Variants in PRND observed in about 807,000 individuals in gnomAD.
The protein encoded by PRND is prion-like protein doppel.
For missense variants in PRND, 227 were observed against 223.3 expected, an observed-to-expected ratio of 1.02 and a Z score of -0.11; for synonymous variants, 94 against 93.2, an observed-to-expected ratio of 1.01 and a Z score of -0.05.
Position 4,724,952 on chromosome 20 carries a change from G to A in PRND, c.401G>A (p.Arg134Gln), listed in dbSNP as rs766569347. The change falls in exon 2 of 2, where the codon CGG becomes CAG. Residue 134 changes from arginine (R) to glutamine (Q), a missense_variant. By Grantham distance (43) the Arg-to-Gln change is conservative (BLOSUM62 1). Coordinates refer to ENST00000305817, the MANE Select transcript of PRND (RefSeq NM_012409.4). This position sits in a 1 kb window ranked among gnomAD's most constrained non-coding sequence, Gnocchi z 4.8. ...DNKLHQQVLW[R>Q]LVQELCSLKH... ...AAGCTCCACCAGCAGGTGCTCTGGCGGCTGGTCCAGGAGCTCTGCTCCCTC... is the reference window on the plus strand; with the variant it reads ...AAGCTCCACCAGCAGGTGCTCTGGCAGCTGGTCCAGGAGCTCTGCTCCCTC... 1.4e-5 allele frequency: 22 copies of A among 1,613,994 alleles called. No individual in the cohort carries two copies. Among genetic ancestry groups the A allele is most frequent in the Admixed American group, 6.7e-5 (4 of 60,008 alleles).
intron 1 of PRND, among the ~76,000 whole-genome samples, chr20:4,722,559 T>C (rs535906084): frequency 4.5e-4 from 68 of 151,510 alleles, no homozygotes; most frequent in Non-Finnish European, 8.7e-4. Flanking sequence ...CTTCTAGAGA[T>C]CACTTCAGCT....
Position 4,727,862 on chromosome 20 carries a change from T to A in PRND, c.*2780T>A, listed in dbSNP as rs1923325483. On this transcript the variant is annotated 3_prime_UTR_variant, in exon 2 of 2. Transcript: ENST00000305817. ...GTGCAGTGGCGTGATCTTGGCTCAC[T>A]ACAACCTCCACCTTCCAGGCTTAAG... The A allele has an allele frequency of 6.2e-6, 1 of 162,204 alleles. No individual in the cohort carries two copies. Among genetic ancestry groups the A allele is most frequent in the South Asian group, 2.2e-4 (1 of 4,474 alleles). The allele number at this position is 162,204 out of a possible 1,614,324, so 10.0% of individuals were successfully genotyped here.
At position 4,724,026 on chromosome 20, in the gene PRND, ATATATGTGTG is replaced by A. The variant is rs1395236961; in HGVS notation, c.-11-509_-11-500del. On this transcript the variant is annotated intron_variant, in intron 1 of 1. Transcript: ENST00000305817. The surrounding 1 kb of genome is among the most constrained non-coding windows in gnomAD (Gnocchi z 4.8). ...TATATATATATGTGTGTATATATAC[ATATATGTGTG>A]TATATATGTATATATGTGTGTGTAT... Among the ~76,000 whole-genome samples, 351 of 138,232 alleles carry A rather than the reference ATATATGTGTG, an allele frequency of 2.5e-3. 1 individual carries two copies. Among genetic ancestry groups the A allele is most frequent in the African/African-American group, 9.7e-3 (342 of 35,110 alleles). The allele number at this position is 138,232 out of a possible 152,430, so 90.7% of individuals were successfully genotyped here.
rs559522594 is a variant in PRND, at chr20:4,724,090, A to G, written c.-11-451A>G. Among the ~76,000 whole-genome samples, 1 of 149,922 alleles carries G rather than the reference A, an allele frequency of 6.7e-6. No individual in the cohort carries two copies. The highest frequency in any genetic ancestry group is 2.5e-5 in the African/African-American group (1 of 40,100). ...CGTGTATATATACATATATATGTGT[A>G]TATATATACGTGTATACACACACAC... On this transcript the variant is annotated intron_variant, in intron 1 of 1. Transcript: ENST00000305817. This position sits in a 1 kb window ranked among gnomAD's most constrained non-coding sequence, Gnocchi z 4.8.
rs1923240969 is a variant in PRND at position 4,725,633 on chromosome 20, A to T, written c.*551A>T. On this transcript the variant is annotated 3_prime_UTR_variant, in exon 2 of 2. Transcript: ENST00000305817. ...GAAATTGTGAAAGCTCCATGTTTAG[A>T]AATAAATGAAAACACCTGAGCTGGT... The T allele has an allele frequency of 5.9e-6, 1 of 168,644 alleles. No individual in the cohort carries two copies. The highest frequency in any genetic ancestry group is 1.4e-5 in the Non-Finnish European group (1 of 69,118). 10.4% of individuals were successfully genotyped at this position (168,644 alleles called of 1,614,324 possible). A position where few individuals can be genotyped will look rare whatever the true frequency, so the allele number is the denominator to read the frequency against.
rs1011140051 is a variant in PRND at position 4,724,582 on chromosome 20, G to A, written c.31G>A (p.Ala11Thr). The A allele has an allele frequency of 1.2e-6, 2 of 1,613,962 alleles. No homozygotes were observed. Among genetic ancestry groups the A allele is most frequent in the African/African-American group, 1.3e-5 (1 of 74,918 alleles). Residue 11 changes from alanine (A) to threonine (T), a missense_variant, in exon 2 of 2, where the codon GCC (alanine) becomes ACC (threonine). By Grantham distance (58) the Ala-to-Thr change is moderately conservative. Coordinates refer to ENST00000305817, the MANE Select transcript of PRND (RefSeq NM_012409.4). The surrounding 1 kb of genome is among the most constrained non-coding windows in gnomAD (Gnocchi z 4.8). MRKHLSWWWL[A>T]TVCMLLFSHL... Reference sequence around the variant, plus strand: ...GAAGCACCTGAGCTGGTGGTGGCTGGCCACTGTCTGCATGCTGCTCTTCAG... The same window carrying A: ...GAAGCACCTGAGCTGGTGGTGGCTGACCACTGTCTGCATGCTGCTCTTCAG...
intron 1 of PRND, among the ~76,000 whole-genome samples, chr20:4,723,826 G>A (rs887842113): frequency 1.3e-5 from 2 of 151,870 alleles, no homozygotes; most frequent in African/African-American, 2.4e-5. Flanking sequence ...CAGCTACTCC[G>A]GAGGCTGAGG....
rs187662451 is a variant in PRND at position 4,724,525 on chromosome 20, G to T, written c.-11-16G>T. The T allele has an allele frequency of 1.2e-5, 20 of 1,613,606 alleles. No homozygotes were observed. Among genetic ancestry groups the T allele is most frequent in the Non-Finnish European group, 1.4e-5 (17 of 1,180,036 alleles). On this transcript the variant is annotated splice_polypyrimidine_tract_variant and intron_variant, in intron 1 of 1. Coordinates refer to ENST00000305817, the MANE Select transcript of PRND (RefSeq NM_012409.4). This position sits in a 1 kb window ranked among gnomAD's most constrained non-coding sequence, Gnocchi z 4.8. ...AGGCCTGGTGGGGAGCTGACCCACC[G>T]CCGTTTCTCTGGCAGGTTCTGACGC...
Position 4,724,710 on chromosome 20 carries a change from GA to G in PRND, c.161del (p.Asn54ThrfsTer46). On this transcript the variant is annotated frameshift_variant, in exon 2 of 2. Coordinates refer to ENST00000305817, the MANE Select transcript of PRND (RefSeq NM_012409.4). LOFTEE classifies it low-confidence loss of function (END_TRUNC). The surrounding 1 kb of genome is among the most constrained non-coding windows in gnomAD (Gnocchi z 4.8). ...AQITEAQVAE[N>X]RPGAFIKQGR... ...AGATCACTGAGGCCCAGGTGGCTGA[GA>G]ACCGCCCGGGAGCCTTCATCAAGCA... The G allele has an allele frequency of 1.2e-6, 2 of 1,614,188 alleles. No homozygotes were observed. Among genetic ancestry groups the G allele is most frequent in the Non-Finnish European group, 1.7e-6 (2 of 1,180,040 alleles).
Position 4,726,955 on chromosome 20 carries a change from C to T in PRND, c.*1873C>T, listed in dbSNP as rs1427140542. On this transcript the variant is annotated 3_prime_UTR_variant, in exon 2 of 2. Coordinates refer to ENST00000305817, the MANE Select transcript of PRND (RefSeq NM_012409.4). ...GGTTCACGTCACTGCCAGAGCTACA[C>T]TCGCCTTCTGCTTCCACGGTCCTGT... 1 of 167,184 alleles carries T rather than the reference C, an allele frequency of 6.0e-6. No individual in the cohort carries two copies. 10.4% of individuals were successfully genotyped at this position (167,184 alleles called of 1,614,324 possible).
chr20:4,725,073 G>T lies in PRND; in HGVS notation c.522G>T (p.Thr174=), dbSNP rs45475194. The T allele has an allele frequency of 6.2e-7, 1 of 1,612,816 alleles. No homozygotes were observed. The highest frequency in any genetic ancestry group is 8.5e-7 in the Non-Finnish European group (1 of 1,179,758). ...GCCTTCTGGCTTTGATCTGGCTCAC[G>T]GTGAAATAAGCTTGCCAGGAGGCTG... ...LLCLLALIWL[T]VK Residue 174 remains threonine, a synonymous_variant, in exon 2 of 2, where the codon ACG becomes ACT. Transcript: ENST00000305817.
intron 1 of PRND, 121 bp downstream of exon 1, chr20:4,722,090 G>A (rs1436147548): frequency 6.6e-6 from 1 of 152,166 alleles, no homozygotes; most frequent in Admixed American, 6.5e-5. Flanking sequence ...CCAAGTTCAG[G>A]GTAGACTTGC....
intron 1 of PRND, among the ~76,000 whole-genome samples, chr20:4,722,936 GC>G (rs1247117208): frequency 6.6e-6 from 1 of 152,200 alleles, no homozygotes; most frequent in Non-Finnish European, 1.5e-5. Flanking sequence ...GGGGTGAGGG[GC>G]TTTTCCATGA....
chr20:4,724,784 A>G lies in PRND; in HGVS notation c.233A>G (p.Tyr78Cys), dbSNP rs376676502. Reference protein sequence around the residue: ...IDFGAEGNRYYEANYWQFPDG... With the variant: ...IDFGAEGNRYCEANYWQFPDG... ...TTCGGAGCCGAGGGCAACAGGTACT[A>G]CGAGGCCAACTACTGGCAGTTCCCC... The change falls in exon 2 of 2, where the codon TAC (tyrosine) becomes TGC (cysteine). Residue 78 changes from tyrosine (Y) to cysteine (C), a missense_variant. Transcript: ENST00000305817. This position sits in a 1 kb window ranked among gnomAD's most constrained non-coding sequence, Gnocchi z 4.8. The G allele has an allele frequency of 9.9e-6, 16 of 1,614,128 alleles. No individual in the cohort carries two copies. The highest frequency in any genetic ancestry group is 1.3e-5 in the Non-Finnish European group (15 of 1,180,052).
rs1461757648 is a variant in PRND, at chr20:4,724,162, T to C, written c.-11-379T>C. 6.6e-6 allele frequency among the ~76,000 whole-genome samples: 1 copy of C among 151,862 alleles called. No individual in the cohort carries two copies. The highest frequency in any genetic ancestry group is 1.5e-5 in the Non-Finnish European group (1 of 67,984). On this transcript the variant is annotated intron_variant, in intron 1 of 1. Coordinates refer to ENST00000305817, the MANE Select transcript of PRND (RefSeq NM_012409.4). This position sits in a 1 kb window ranked among gnomAD's most constrained non-coding sequence, Gnocchi z 4.8. ...ATGCCCACCAGCATTTGATTCCAAC[T>C]CTTCTATTGTATTTTCCTCCCAGGG...
Position 4,724,667 on chromosome 20 carries a change from C to A in PRND, c.116C>A (p.Ala39Asp). The A allele has an allele frequency of 1.2e-6, 2 of 1,614,202 alleles. No homozygotes were observed. The highest frequency in any genetic ancestry group is 1.7e-6 in the Non-Finnish European group (2 of 1,180,044). ...CACAGAATCAAGTGGAACCGGAAGG[C>A]CCTGCCCAGCACTGCCCAGATCACT... ...IKHRIKWNRKALPSTAQITEA... is the reference protein window; with the variant it reads ...IKHRIKWNRKDLPSTAQITEA... Residue 39 changes from alanine (A) to aspartate (D), a missense_variant, in exon 2 of 2, where the codon GCC (alanine) becomes GAC (aspartate). Physicochemically the swap from Ala to Asp is moderately radical, Grantham distance 126. Transcript: ENST00000305817. The surrounding 1 kb of genome is among the most constrained non-coding windows in gnomAD (Gnocchi z 4.8).
chr20:4,727,683 T>C lies in PRND; in HGVS notation c.*2601T>C, dbSNP rs529190733. ...TGCTGTTTCCCCTGCACTTTCCTAG[T>C]TCTTAAGCATTTGCGTATGTAAACA... On this transcript the variant is annotated 3_prime_UTR_variant, in exon 2 of 2. Coordinates refer to ENST00000305817, the MANE Select transcript of PRND (RefSeq NM_012409.4). The C allele has an allele frequency of 6.0e-6, 1 of 167,228 alleles. No homozygotes were observed. Among genetic ancestry groups the C allele is most frequent in the African/African-American group, 2.4e-5 (1 of 41,578 alleles). 10.4% of individuals were successfully genotyped at this position (167,228 alleles called of 1,614,324 possible).
chr20:4,725,232 C>A lies in PRND; in HGVS notation c.*150C>A. 1 of 943,878 alleles carries A rather than the reference C, an allele frequency of 1.1e-6. No individual in the cohort carries two copies. Among genetic ancestry groups the A allele is most frequent in the Non-Finnish European group, 1.6e-6 (1 of 623,440 alleles). 58.5% of individuals were successfully genotyped at this position (943,878 alleles called of 1,614,324 possible). A position where few individuals can be genotyped will look rare whatever the true frequency, so the allele number is the denominator to read the frequency against. Reference sequence around the variant, plus strand: ...CAAATGCCGCTCTCACGTATGCGCCCTGGTATGTGCCTGCGTTCTGATAGA... The same window carrying A: ...CAAATGCCGCTCTCACGTATGCGCCATGGTATGTGCCTGCGTTCTGATAGA... On this transcript the variant is annotated 3_prime_UTR_variant, in exon 2 of 2. Coordinates refer to ENST00000305817, the MANE Select transcript of PRND (RefSeq NM_012409.4).
At position 4,728,452 on chromosome 20, in the gene PRND, T is replaced by A. The variant is rs1249493278; in HGVS notation, c.*3370T>A. 1 of 167,086 alleles carries A rather than the reference T, an allele frequency of 6.0e-6. No homozygotes were observed. The highest frequency in any genetic ancestry group is 1.5e-5 in the Non-Finnish European group (1 of 68,126). 10.4% of individuals were successfully genotyped at this position (167,086 alleles called of 1,614,324 possible). On this transcript the variant is annotated 3_prime_UTR_variant, in exon 2 of 2. Coordinates refer to ENST00000305817, the MANE Select transcript of PRND (RefSeq NM_012409.4). ...CCACTGCAAACAATAAACATCCTTGTACATACTACATTGCAGTCTGGTACT... is the reference window on the plus strand; with the variant it reads ...CCACTGCAAACAATAAACATCCTTGAACATACTACATTGCAGTCTGGTACT...
Sources: gnomAD v4.1 joint callset for allele counts (sites outside exome capture counted in the v4.1 genomes callset) on GRCh38, gnomAD v4.1.1 for gene constraint, Gnocchi (gnomAD v3.1) non-coding constraint, MANE v1.5 for transcripts, NCBI Gene and HGNC (gene_info 2026-07-23, HGNC 2026-07-21) for gene names.